The following ERI2 variants were observed in gnomAD, a reference collection of about 807,000 sequenced individuals.
ERI2 encodes ERI1 exoribonuclease 2.
ERI2 carries 35 observed loss-of-function variants against 46.8 expected under a neutral mutation model. The observed-to-expected ratio is 0.75, with a 90% confidence interval of 0.57 to 0.99. The LOEUF (loss-of-function observed/expected upper bound fraction) is 0.99. Ranked by LOEUF, ERI2 falls within the 50% of genes least tolerant of loss-of-function variation. ERI2 has a pLI of 0.00. For missense variants in ERI2, 695 were observed against 796.2 expected, an observed-to-expected ratio of 0.87 and a Z score of 1.53; for synonymous variants, 224 against 271.0, an observed-to-expected ratio of 0.83 and a Z score of 1.70.
downstream of ERI2, among the ~76,000 whole-genome samples, chr16:20,795,085 G>A (rs921292473): frequency 6.6e-6 from 1 of 152,176 alleles, no homozygotes; most frequent in Non-Finnish European, 1.5e-5. Context: ...TTTATAAAAT[G>A]TCAAAAAGTG....
downstream of ERI2, among the ~76,000 whole-genome samples, chr16:20,794,847 C>T (rs779919113): frequency 6.6e-6 from 1 of 152,202 alleles, no homozygotes; most frequent in Non-Finnish European, 1.5e-5. Context: ...GTTCTGACTT[C>T]AGAGTTCATA....
Position 20,790,321 on chromosome 16 carries a change from G to A in ERI2, c.815+529C>T, listed in dbSNP as rs1428120591. ...AAACATTAGCTGAGCATAATGACAT[G>A]TGCTTGTAGCCCCAGATACTTGGGA... On this transcript the variant is annotated intron_variant, in intron 9 of 10. Coordinates refer to the ERI2 transcript ENST00000300005. The surrounding 1 kb of genome is among the most constrained non-coding windows in gnomAD (Gnocchi z 4.0). Among the ~76,000 whole-genome samples, 1 of 152,100 alleles carries A rather than the reference G, an allele frequency of 6.6e-6. No individual in the cohort carries two copies. The highest frequency in any genetic ancestry group is 1.5e-5 in the Non-Finnish European group (1 of 68,026).
chr16:20,799,463 T>C (rs1277510004), intron 7 of ERI2, 112 bp from the exon 8 acceptor site: 2 of 1,054,074 alleles, frequency 1.9e-6, no homozygotes, highest in Non-Finnish European at 2.7e-6. Flanking sequence ...TGGAACACAG[T>C]TTTAGTTTTA....
intron 9 of ERI2, chr16:20,789,689 T>C (rs1003588126): frequency 2.5e-4 from 146 of 587,250 alleles, no homozygotes; most frequent in East Asian, 2.1e-3. Flanking sequence ...TTTTTCTTTT[T>C]TTTTTTTTTT....
At position 20,797,682 on chromosome 16, in the gene ERI2, T is replaced by C; in HGVS notation, c.*42A>G. On this transcript the variant is annotated 3_prime_UTR_variant, in exon 9 of 9. Coordinates refer to ENST00000357967, the MANE Select transcript of ERI2 (RefSeq NM_001142725.2). ...AAGATGTTATCAGAATACTCATGTT[T>C]GGAAATTCAAGGAACAATTAGGATT... The C allele has an allele frequency of 6.8e-7, 1 of 1,477,818 alleles. No homozygotes were observed. The highest frequency in any genetic ancestry group is 9.0e-7 in the Non-Finnish European group (1 of 1,116,786). The allele number at this position is 1,477,818 out of a possible 1,614,324, so 91.5% of individuals were successfully genotyped here.
intron 9 of ERI2, chr16:20,789,562 AC>A (rs755118665): frequency 1.9e-6 from 3 of 1,602,506 alleles, no homozygotes; most frequent in Non-Finnish European, 2.6e-6. Flanking sequence ...CCACAGCTAA[AC>A]AAAGTTTGAA....
At chr16:20,801,151 C>T in intron 5 of ERI2, 52 bp downstream of exon 5, 1 of 1,405,292 alleles carries the variant, frequency 7.1e-7, no homozygotes, top group Non-Finnish European at 9.5e-7. Flanking sequence ...TAAAGAATTA[C>T]ATAGTGGTAA....
downstream of ERI2, chr16:20,792,352 AT>A: frequency 6.2e-7 from 1 of 1,613,156 alleles, no homozygotes; most frequent in Non-Finnish European, 8.5e-7. Flanking sequence ...GAACTGATTC[AT>A]GTCAACTTTA....
exon 11 of ERI2, chr16:20,780,349 G>C: frequency 2.5e-6 from 1 of 402,308 alleles, no homozygotes; most frequent in Non-Finnish European, 4.5e-6. Context: ...AGCATCCATA[G>C]GGGAGGGAAG....
chr16:20,788,581 C>T (rs1389331683), intron 10 of ERI2, among the ~76,000 whole-genome samples: 1 of 152,206 alleles, frequency 6.6e-6, no homozygotes. Context: ...ATTCTGGCAT[C>T]TGGGGATGTG....
intron 10 of ERI2, chr16:20,786,293 A>T (rs1163363077): frequency 7.1e-7 from 1 of 1,402,232 alleles, no homozygotes; most frequent in Non-Finnish European, 9.4e-7. Context: ...AATTTTTATA[A>T]ATATGTGAAA....
chr16:20,796,274 C>G, downstream of ERI2: 2 of 1,526,336 alleles, frequency 1.3e-6, no homozygotes, highest in East Asian at 2.3e-5. Flanking sequence ...TGGCCCACCC[C>G]ACCAGGCATG....
chr16:20,780,973 G>C (rs765634803), intron 10 of ERI2: 3 of 1,614,050 alleles, frequency 1.9e-6, no homozygotes, highest in Non-Finnish European at 2.5e-6. Context: ...TGTTTTCCCA[G>C]GTTCTGGCTA....
chr16:20,806,293 G>A (rs1238004881), intron 1 of ERI2, 115 bp downstream of exon 1: 3 of 1,470,376 alleles, frequency 2.0e-6, no homozygotes, highest in Admixed American at 2.4e-5. Context: ...AGACGCCGGG[G>A]CTGCGGGGAA....
downstream of ERI2, among the ~76,000 whole-genome samples, chr16:20,795,569 G>T (rs1250080126): frequency 1.3e-5 from 2 of 152,212 alleles, no homozygotes; most frequent in Non-Finnish European, 2.9e-5. Flanking sequence ...AATTTAATAA[G>T]ATTTCAGGCA....
Position 20,796,474 on chromosome 16 carries a change from C to T in ERI2, c.*1250G>A. 1 of 1,612,886 alleles carries T rather than the reference C, an allele frequency of 6.2e-7. No homozygotes were observed. ...ATGTTAAAAAAACTACAGCACCTTA[C>T]AAATATCCCAGAAAGGTAGGCATCC... is the stretch of plus-strand genomic sequence containing the variant. On this transcript the variant is annotated 3_prime_UTR_variant, in exon 9 of 9. Coordinates refer to ENST00000357967, the MANE Select transcript of ERI2 (RefSeq NM_001142725.2).
intron 1 of ERI2, chr16:20,805,764 C>T: frequency 5.2e-6 from 1 of 191,186 alleles, no homozygotes; most frequent in East Asian, 1.7e-4. Flanking sequence ...TTCTCCTCTG[C>T]CTTTGCCTCT....
chr16:20,798,074 T>C lies in ERI2; in HGVS notation c.1726A>G (p.Ile576Val). 1.9e-6 allele frequency: 3 copies of C among 1,551,570 alleles called. No homozygotes were observed. The highest frequency in any genetic ancestry group is 2.6e-6 in the Non-Finnish European group (3 of 1,146,914). Residue 576 changes from isoleucine to valine, a missense_variant, in exon 9 of 9, where the codon ATA becomes GTA. Physicochemically the swap from Ile to Val is conservative, Grantham distance 29. Coordinates refer to ENST00000357967, the MANE Select transcript of ERI2 (RefSeq NM_001142725.2). ...TGTAGGTTAACTGTAGAAGTTAATA[T>C]AGATGGGAGACGCCTCCAGGAAGAA... Reference protein sequence around the residue: ...RSSSWRRLPSILTSTVNLQEP... With the variant: ...RSSSWRRLPSVLTSTVNLQEP...
Position 20,798,240 on chromosome 16 carries a change from T to C in ERI2, c.1560A>G (p.Leu520=). 6.4e-7 allele frequency: 1 copy of C among 1,551,594 alleles called. No individual in the cohort carries two copies. The part of the protein sequence containing the change: ...NRVNANMSHP[L]VLGKHPLLSG... ...AAAGAAGAGGATGTTTCCCCAAAAC[T>C]AAAGGATGAGACATATTGGCATTAA... Residue 520 remains leucine (L), a synonymous_variant, in exon 9 of 9, where the codon TTA becomes TTG. Transcript: ENST00000357967.
Sources: allele counts gnomAD v4.1 joint callset (sites outside exome capture counted in the v4.1 genomes callset), GRCh38; gene constraint gnomAD v4.1.1; non-coding constraint Gnocchi (gnomAD v3.1); transcripts MANE v1.5; gene names NCBI Gene and HGNC (gene_info 2026-07-23, HGNC 2026-07-21).